The following FOXP1 variants were observed in gnomAD, a reference collection of about 807,000 sequenced individuals.
FOXP1 encodes forkhead box protein P1.
In FOXP1, 15 loss-of-function variants were observed where a neutral mutation model predicts 98.2. That is an observed-to-expected ratio of 0.15 (90% CI 0.10 to 0.24). FOXP1 has a LOEUF of 0.24. Ranked by LOEUF, FOXP1 falls within the 10% of genes least tolerant of loss-of-function variation. FOXP1 has a pLI of 1.00. For missense variants in FOXP1, 633 were observed against 848.5 expected, an observed-to-expected ratio of 0.75 and a Z score of 3.15; for synonymous variants, 371 against 314.5, an observed-to-expected ratio of 1.18 and a Z score of -1.90.
chr3:71,239,508 C>A (rs950731799), intron 5 of FOXP1, among the ~76,000 whole-genome samples: 3 of 152,152 alleles, frequency 2.0e-5, no homozygotes, highest in African/African-American at 2.4e-5. Context: ...CACGCCACTG[C>A]ATTCCAGCCT....
intron 10 of FOXP1, among the ~76,000 whole-genome samples, chr3:71,043,936 T>C (rs1256263306): frequency 6.6e-6 from 1 of 152,122 alleles, no homozygotes; most frequent in Admixed American, 6.6e-5. Context: ...TAGAGAAAAA[T>C]GGTAAATAAA....
At chr3:71,057,316 T>TTC (rs2050805336) in intron 7 of FOXP1, among the ~76,000 whole-genome samples, 1 of 132,632 alleles carries the variant, frequency 7.5e-6, no homozygotes, top group Non-Finnish European at 1.6e-5. Context: ...TTTTTTTTTT[T>TTC]TTTTTTTTTT....
intron 7 of FOXP1, among the ~76,000 whole-genome samples, chr3:71,072,101 C>A (rs2053313855): frequency 6.6e-6 from 1 of 152,138 alleles, no homozygotes; most frequent in Non-Finnish European, 1.5e-5. Context: ...AGAGGAGGAT[C>A]ACTTGGGGCC....
At chr3:71,461,140 C>T (rs148797870) in intron 3 of FOXP1, among the ~76,000 whole-genome samples, 165 of 152,138 alleles carry the variant, frequency 1.1e-3, no homozygotes, top group African/African-American at 3.5e-3. Context: ...TTCATCAGTA[C>T]GAGCTATAAT....
chr3:71,313,611 C>T (rs920756982), intron 4 of FOXP1, among the ~76,000 whole-genome samples: 46 of 151,800 alleles, frequency 3.0e-4, no homozygotes, highest in Non-Finnish European at 5.2e-4. Context: ...CTGCAAGCTC[C>T]GCCTCCCGGG....
chr3:71,321,536 C>T (rs1051680399), intron 4 of FOXP1, among the ~76,000 whole-genome samples: 1 of 152,074 alleles, frequency 6.6e-6, no homozygotes, highest in African/African-American at 2.4e-5. Context: ...TTTCAGAGAC[C>T]CACAACTAGA....
intron 4 of FOXP1, among the ~76,000 whole-genome samples, chr3:71,327,902 T>C (rs1329624093): frequency 6.6e-6 from 1 of 152,194 alleles, no homozygotes; most frequent in Non-Finnish European, 1.5e-5. Flanking sequence ...TACCCAGAAG[T>C]GGCAACATTT....
chr3:71,192,347 A>C (rs956811442), intron 6 of FOXP1, among the ~76,000 whole-genome samples: 3 of 152,236 alleles, frequency 2.0e-5, no homozygotes, highest in Admixed American at 6.5e-5. Flanking sequence ...GTATGAAACA[A>C]GGCCAGGAAT....
intron 7 of FOXP1, among the ~76,000 whole-genome samples, chr3:71,097,047 G>A (rs2056524773): frequency 6.6e-6 from 1 of 152,148 alleles, no homozygotes; most frequent in Non-Finnish European, 1.5e-5. Context: ...AGGGTACACT[G>A]GGATAAACAA....
chr3:70,974,513 G>C (rs1304401956), intron 17 of FOXP1, among the ~76,000 whole-genome samples: 1 of 152,080 alleles, frequency 6.6e-6, no homozygotes, highest in Non-Finnish European at 1.5e-5. Flanking sequence ...TGCCCAGGCT[G>C]ATCTTGAACT....
At chr3:71,157,648 G>A (rs2060890139) in intron 6 of FOXP1, among the ~76,000 whole-genome samples, 1 of 152,184 alleles carries the variant, frequency 6.6e-6, no homozygotes, top group South Asian at 2.1e-4. Context: ...ACAGCATTAA[G>A]TATGTAAATC....
intron 2 of FOXP1, among the ~76,000 whole-genome samples, chr3:71,575,374 T>C (rs2047647115): frequency 6.6e-6 from 1 of 152,174 alleles, no homozygotes; most frequent in Non-Finnish European, 1.5e-5. Flanking sequence ...AAGGGAAGTT[T>C]GTTATAAATG....
intron 5 of FOXP1, among the ~76,000 whole-genome samples, chr3:71,286,406 A>G (rs1204412769): frequency 2.6e-5 from 4 of 151,750 alleles, no homozygotes; most frequent in Non-Finnish European, 4.4e-5. Flanking sequence ...ATTAGTAACT[A>G]TATCACTGAG....
At chr3:71,505,459 C>G (rs1017357053) in intron 2 of FOXP1, among the ~76,000 whole-genome samples, 1 of 139,908 alleles carries the variant, frequency 7.1e-6, no homozygotes, top group African/African-American at 2.7e-5. Flanking sequence ...CTCACTCCGT[C>G]GCCCAGGCTG....
chr3:71,064,660 C>G lies in FOXP1; in HGVS notation c.283-10887G>C, dbSNP rs144515475. Among the ~76,000 whole-genome samples, 1,189 of 152,278 alleles carry G rather than the reference C, an allele frequency of 7.8e-3. 16 individuals carry two copies. The highest frequency in any genetic ancestry group is 0.026 in the African/African-American group (1,098 of 41,566). On this transcript the variant is annotated intron_variant, in intron 7 of 20. Coordinates refer to ENST00000649528, the MANE Select transcript of FOXP1 (RefSeq NM_001349338.3). ...CGCCTCCACTTCCAGAGCGCAACTC[C>G]TACCCAACTTGGTAAACAGCGAGGA... is the stretch of plus-strand genomic sequence containing the variant.
chr3:71,583,907 C>A, upstream of FOXP1: 1 of 984,940 alleles, frequency 1.0e-6, no homozygotes, highest in South Asian at 4.6e-5. Flanking sequence ...CCGCTTCACG[C>A]ACCCCGCTGG....
At chr3:71,539,166 C>T (rs1311033284) in intron 2 of FOXP1, among the ~76,000 whole-genome samples, 1 of 149,392 alleles carries the variant, frequency 6.7e-6, no homozygotes, top group Non-Finnish European at 1.5e-5. Flanking sequence ...GGCTGGGGTG[C>T]AGTGGCGCAA....
intron 2 of FOXP1, among the ~76,000 whole-genome samples, chr3:71,539,964 T>C (rs757869745): frequency 2.0e-5 from 3 of 152,210 alleles, no homozygotes; most frequent in Admixed American, 6.5e-5. Flanking sequence ...TAGCACATAG[T>C]AGACATCTAA....
chr3:71,482,000 G>C (rs377321525), intron 3 of FOXP1, among the ~76,000 whole-genome samples: 1 of 152,152 alleles, frequency 6.6e-6, no homozygotes, highest in Non-Finnish European at 1.5e-5. Flanking sequence ...CTCCAGCAAA[G>C]AGAGGAGGGA....
Sources: allele counts gnomAD v4.1 joint callset (sites outside exome capture counted in the v4.1 genomes callset), GRCh38; gene constraint gnomAD v4.1.1; transcripts MANE v1.5; gene names NCBI Gene and HGNC (gene_info 2026-07-23, HGNC 2026-07-21).